Variants in TMEM131 observed in about 807,000 individuals in gnomAD.
TMEM131 encodes the protein 2610524E03Rik.
Under a neutral mutation model 211.6 loss-of-function variants are expected in TMEM131, and 66 were observed. The observed-to-expected ratio is 0.31, with a 90% CI of 0.26 to 0.38. The LOEUF (loss-of-function observed/expected upper bound fraction) is 0.38. Ranked by LOEUF, TMEM131 falls within the 10% of genes least tolerant of loss-of-function variation. The pLI, the probability that TMEM131 is intolerant of heterozygous loss-of-function variation, is 1.00. For synonymous variants in TMEM131, 844 were observed against 841.3 expected, an observed-to-expected ratio of 1.00 and a Z score of -0.06; for missense variants, 2,036 against 2,299.3, an observed-to-expected ratio of 0.89 and a Z score of 2.34.
intron 7 of TMEM131, 92 bp downstream of exon 7, chr2:97,841,723 T>G (rs1683205587): frequency 2.2e-6 from 3 of 1,351,340 alleles, no homozygotes; most frequent in Middle Eastern, 2.0e-4. Context: ...TTATTTTAAA[T>G]AGTCTTGGAA....
In TMEM131 at chr2:97,801,911, T is replaced by C. The variant is rs1681054087; in HGVS notation, c.2702A>G (p.Gln901Arg). 6.2e-7 allele frequency: 1 copy of C among 1,607,332 alleles called. No homozygotes were observed. Among genetic ancestry groups the C allele is most frequent in the Non-Finnish European group, 8.5e-7 (1 of 1,176,618 alleles). The change falls in exon 25 of 41, where the codon CAA becomes CGA. Residue 901 changes from glutamine to arginine, a missense_variant. Coordinates refer to ENST00000186436, the MANE Select transcript of TMEM131 (RefSeq NM_015348.2). Reference sequence around the variant, plus strand: ...AATACTTACACTGTTTCTGAAGACTTGAAATTCTAGTGTTCTCAAATCTAT... The same window carrying C: ...AATACTTACACTGTTTCTGAAGACTCGAAATTCTAGTGTTCTCAAATCTAT... Reference protein sequence around the residue: ...AKIDLRTLEFQVFRNSAHPLQ... With the variant: ...AKIDLRTLEFRVFRNSAHPLQ...
At chr2:97,820,590 G>A (rs1216105246) in intron 11 of TMEM131, among the ~76,000 whole-genome samples, 3 of 152,142 alleles carry the variant, frequency 2.0e-5, no homozygotes, top group Non-Finnish European at 4.4e-5. Flanking sequence ...TGGGCATGGT[G>A]ACTCATGCCT....
At chr2:97,839,328 C>T (rs1683085460) in intron 7 of TMEM131, among the ~76,000 whole-genome samples, 1 of 150,450 alleles carries the variant, frequency 6.6e-6, no homozygotes, top group Non-Finnish European at 1.5e-5. Context: ...ACCAACCAAC[C>T]AACCAACCAA....
At chr2:97,953,901 T>C (rs1678440307) in intron 1 of TMEM131, among the ~76,000 whole-genome samples, 1 of 152,140 alleles carries the variant, frequency 6.6e-6, no homozygotes. Flanking sequence ...CACAAAAATC[T>C]TCAAACACTT....
rs1265869669 is a variant in TMEM131 at position 97,795,128 on chromosome 2, G to A, written c.3201-13C>T. On this transcript the variant is annotated splice_polypyrimidine_tract_variant and intron_variant, in intron 28 of 40. Transcript: ENST00000186436. The stretch of plus-strand genomic sequence containing the variant: ...ATCAGGAGTAAACCTAAAACAGAAT[G>A]ATGGTAGTAAGGCTAAGTTTTAAAA... 2 of 1,602,162 alleles carry A rather than the reference G, an allele frequency of 1.2e-6. No homozygotes were observed. Among genetic ancestry groups the A allele is most frequent in the Non-Finnish European group, 1.7e-6 (2 of 1,172,752 alleles).
chr2:97,775,353 A>G (rs1679673420), intron 32 of TMEM131, among the ~76,000 whole-genome samples: 1 of 152,120 alleles, frequency 6.6e-6, no homozygotes, highest in Non-Finnish European at 1.5e-5. Context: ...TCCTGGGGCC[A>G]CACTCCCTCC....
At chr2:97,903,588 A>C (rs1675946633) in intron 3 of TMEM131, among the ~76,000 whole-genome samples, 1 of 152,242 alleles carries the variant, frequency 6.6e-6, no homozygotes. Flanking sequence ...GATAGGATGC[A>C]TTGGGAGAGA....
intron 1 of TMEM131, among the ~76,000 whole-genome samples, chr2:97,985,698 T>TG (rs1189064378): frequency 2.0e-5 from 3 of 150,952 alleles, no homozygotes; most frequent in Non-Finnish European, 4.4e-5. Context: ...AAAAATACCC[T>TG]GGGAAAAAAA....
chr2:97,878,745 T>G (rs753790359), intron 4 of TMEM131, among the ~76,000 whole-genome samples: 8 of 152,090 alleles, frequency 5.3e-5, no homozygotes, highest in Non-Finnish European at 1.2e-4. Flanking sequence ...GTACCTAACG[T>G]AGGTGATGGG....
Position 97,909,353 on chromosome 2 carries a change from C to T in TMEM131, c.250-655G>A, listed in dbSNP as rs543262128. 2.6e-5 allele frequency among the ~76,000 whole-genome samples: 4 copies of T among 152,092 alleles called. No homozygotes were observed. In the South Asian group the frequency reaches 8.3e-4, roughly 32 times the overall value. On this transcript the variant is annotated intron_variant, in intron 2 of 40. Transcript: ENST00000186436. ...CAGATGGCAGGTCTCTCTGCTGGAG[C>T]TGGGAGAGAAGGAGAAAATGAGACT...
rs370227169 is a variant in TMEM131, at chr2:97,888,678, C to T, written c.291-558G>A. ...CAGTAGCATCTTCTAACTAACCCAC[C>T]TGATACCAGAACTTCTCAATAGAAC... On this transcript the variant is annotated intron_variant, in intron 3 of 40. Transcript: ENST00000186436. 6.6e-5 allele frequency among the ~76,000 whole-genome samples: 10 copies of T among 152,268 alleles called. No individual in the cohort carries two copies. The South Asian group carries it at 1.2e-3, about 19-fold the overall frequency.
intron 19 of TMEM131, 130 bp downstream of exon 19, chr2:97,809,558 C>A: frequency 1.5e-6 from 1 of 653,050 alleles, no homozygotes; most frequent in Non-Finnish European, 2.7e-6. Flanking sequence ...TCTAAAGAAC[C>A]TGGTATAATG....
At chr2:97,767,163 T>G (rs1180492931) in intron 33 of TMEM131, among the ~76,000 whole-genome samples, 1 of 152,230 alleles carries the variant, frequency 6.6e-6, no homozygotes, top group South Asian at 2.1e-4. Context: ...TCTTCCTTAT[T>G]CTTGAACTCA....
chr2:97,984,742 T>A (rs1255624521), intron 1 of TMEM131, among the ~76,000 whole-genome samples: 1 of 150,910 alleles, frequency 6.6e-6, no homozygotes, highest in Admixed American at 6.6e-5. Flanking sequence ...AATTACTATA[T>A]ATTGATACAT....
At chr2:97,936,009 C>T (rs571768741) in intron 1 of TMEM131, among the ~76,000 whole-genome samples, 6 of 152,134 alleles carry the variant, frequency 3.9e-5, no homozygotes, top group East Asian at 3.9e-4. Flanking sequence ...TGCAGCTCCT[C>T]GAAAGCCTGA....
intron 3 of TMEM131, among the ~76,000 whole-genome samples, chr2:97,894,394 T>C (rs1242837923): frequency 1.3e-5 from 2 of 152,196 alleles, no homozygotes; most frequent in Non-Finnish European, 2.9e-5. Flanking sequence ...AAGTTTAAAG[T>C]AGTTTTTTTC....
chr2:97,776,614 A>G (rs1489754503), intron 31 of TMEM131, among the ~76,000 whole-genome samples: 2 of 152,214 alleles, frequency 1.3e-5, no homozygotes, highest in Non-Finnish European at 2.9e-5. Flanking sequence ...ACAAATCTGT[A>G]TGTCTGTCTC....
At chr2:97,812,845 C>T (rs1419293225) in intron 15 of TMEM131, 96 bp from the exon 16 acceptor site, 2 of 674,264 alleles carry the variant, frequency 3.0e-6, no homozygotes, top group Admixed American at 3.6e-5. Flanking sequence ...TATTAAAGTT[C>T]CCCCCAAAAT....
chr2:97,833,367 T>A lies in TMEM131; in HGVS notation c.1072A>T (p.Thr358Ser), dbSNP rs1484146217. 3 of 1,285,260 alleles carry A rather than the reference T, an allele frequency of 2.3e-6. No individual in the cohort carries two copies. Among genetic ancestry groups the A allele is most frequent in the Non-Finnish European group, 3.3e-6 (3 of 910,998 alleles). 79.6% of individuals were successfully genotyped at this position (1,285,260 alleles called of 1,614,324 possible). A position where few individuals can be genotyped will look rare whatever the true frequency, so the allele number is the denominator to read the frequency against. ...GGAAAAAAGAAGTAAAAACTTACTGTTATTGGTACATCTTTTGTTCCTGAA... is the reference window on the plus strand; with the variant it reads ...GGAAAAAAGAAGTAAAAACTTACTGATATTGGTACATCTTTTGTTCCTGAA... ...LNSGTKDVPI[T>S]SVRPTPQNDA... The change falls in exon 11 of 41, where the codon ACA (threonine) becomes TCA (serine). Residue 358 changes from threonine (T) to serine (S), a missense_variant and splice_region_variant. By Grantham distance (58) the Thr-to-Ser change is moderately conservative (BLOSUM62 1). Transcript: ENST00000186436.
Sources: gnomAD v4.1 joint callset for allele counts (sites outside exome capture counted in the v4.1 genomes callset) on GRCh38, gnomAD v4.1.1 for gene constraint, MANE v1.5 for transcripts, NCBI Gene and HGNC (gene_info 2026-07-23, HGNC 2026-07-21) for gene names.